IQSEC1: variants seen among roughly 807,000 people sequenced by gnomAD.
IQSEC1 encodes the protein IQ motif and SEC7 domain-containing protein 1.
IQSEC1 carries 31 observed loss-of-function variants against 91.0 expected under a neutral mutation model. The ratio of observed to expected loss-of-function variants is 0.34; its 90% CI spans 0.26 to 0.46. The LOEUF (loss-of-function observed/expected upper bound fraction) is 0.46. IQSEC1 is among the 20% of genes least tolerant of loss of function. IQSEC1 has a pLI of 1.00. For synonymous variants in IQSEC1, 699 were observed against 662.6 expected (o/e 1.05, Z -0.84); for missense variants, 1,388 against 1,575.6 (o/e 0.88, Z 2.02).
At chr3:13,265,380 A>T (rs76168636) in intron 1 of IQSEC1, among the ~76,000 whole-genome samples, 19,817 of 152,208 alleles carry the variant, frequency 0.13, 1,352 homozygotes, top group East Asian at 0.17. Context: ...CTTGGGCCCC[A>T]GGGGGACCCA....
intron 1 of IQSEC1, among the ~76,000 whole-genome samples, chr3:13,249,358 G>A (rs1263030517): frequency 2.6e-5 from 4 of 151,764 alleles, no homozygotes; most frequent in African/African-American, 9.7e-5. Flanking sequence ...ATTTTTAGTA[G>A]AGATGGGGTT....
At chr3:13,216,843 A>C (rs1306284036) in intron 1 of IQSEC1, among the ~76,000 whole-genome samples, 1 of 152,170 alleles carries the variant, frequency 6.6e-6, no homozygotes, top group African/African-American at 2.4e-5. Flanking sequence ...ATTTAACTTC[A>C]CTTACCCCTG....
chr3:12,908,322 C>G lies in IQSEC1; in HGVS notation c.2755+27G>C. 6.2e-7 allele frequency: 1 copy of G among 1,608,728 alleles called. No homozygotes were observed. Among genetic ancestry groups the G allele is most frequent in the Non-Finnish European group, 8.5e-7 (1 of 1,178,448 alleles). ...CTCGGTCTTGCATGCGCTGGGCTAGCAAGGTGGTTCTAGGCCAAGCTCTTA... is the reference window on the plus strand; with the variant it reads ...CTCGGTCTTGCATGCGCTGGGCTAGGAAGGTGGTTCTAGGCCAAGCTCTTA... On this transcript the variant is annotated intron_variant, in intron 12 of 13. Coordinates refer to ENST00000613206, the MANE Select transcript of IQSEC1 (RefSeq NM_001134382.3). This position sits in a 1 kb window ranked among gnomAD's most constrained non-coding sequence, Gnocchi z 4.9.
chr3:12,966,663 C>T (rs549580143), intron 1 of IQSEC1, among the ~76,000 whole-genome samples: 2 of 152,174 alleles, frequency 1.3e-5, no homozygotes, highest in Non-Finnish European at 2.9e-5. Flanking sequence ...CCTGACCACA[C>T]CAGGTGCACA....
intron 1 of IQSEC1, among the ~76,000 whole-genome samples, chr3:13,239,295 T>C (rs1694981567): frequency 1.3e-5 from 2 of 152,208 alleles, no homozygotes; most frequent in Admixed American, 1.3e-4. Context: ...CGGAATGAAC[T>C]GAGGGCTTTG....
Position 12,901,236 on chromosome 3 carries a change from T to C in IQSEC1, c.3092A>G (p.Tyr1031Cys). 6.5e-7 allele frequency: 1 copy of C among 1,548,634 alleles called. No homozygotes were observed. Among genetic ancestry groups the C allele is most frequent in the East Asian group, 2.4e-5 (1 of 40,852 alleles). ...QAAMHGHHTQYCHMQNPPPYH... is the reference protein window; with the variant it reads ...QAAMHGHHTQCCHMQNPPPYH... ...CGGGGGAGGGTTCTGCATGTGGCAG[T>C]ACTGGGTGTGATGCCCGTGCATGGC... Residue 1031 changes from tyrosine (Y) to cysteine (C), a missense_variant, in exon 14 of 14, where the codon TAC becomes TGC. This residue lies in a region of IQSEC1 where 329 missense variants were observed against 257.8 expected (regional missense o/e 1.28). Coordinates refer to ENST00000613206, the MANE Select transcript of IQSEC1 (RefSeq NM_001134382.3).
At chr3:12,975,037 C>T (rs998537865) in intron 1 of IQSEC1, among the ~76,000 whole-genome samples, 2 of 152,244 alleles carry the variant, frequency 1.3e-5, no homozygotes, top group Non-Finnish European at 2.9e-5. Flanking sequence ...TTCCCAGGGC[C>T]TCAGCATCTT....
At chr3:13,242,108 G>A (rs954519789) in intron 1 of IQSEC1, among the ~76,000 whole-genome samples, 2 of 152,202 alleles carry the variant, frequency 1.3e-5, no homozygotes, top group African/African-American at 2.4e-5. Context: ...GGTGACAGCA[G>A]AGACCGTGCC....
Position 13,071,554 on chromosome 3 carries a change from C to T in IQSEC1, c.23+1438G>A, listed in dbSNP as rs139521374. On this transcript the variant is annotated intron_variant, in intron 1 of 13. Coordinates refer to ENST00000613206, the MANE Select transcript of IQSEC1 (RefSeq NM_001134382.3). ...CCCAGCCACTGGGGTGGAAGTTCCA[C>T]GCTGGGAAAGGATTTACTATTTGTT... Among the ~76,000 whole-genome samples the T allele has an allele frequency of 1.5e-3, 236 of 152,292 alleles. 2 individuals are homozygous for T. The highest frequency in any genetic ancestry group is 5.3e-3 in the African/African-American group (220 of 41,542).
At chr3:13,182,511 A>G (rs551708415) in intron 1 of IQSEC1, among the ~76,000 whole-genome samples, 1 of 152,308 alleles carries the variant, frequency 6.6e-6, no homozygotes, top group South Asian at 2.1e-4. Context: ...ACGGGTGGCA[A>G]TGGATAGATG....
rs540165928 is a variant in IQSEC1, at chr3:12,994,360, G to A, written c.24-52495C>T. 4.6e-5 allele frequency among the ~76,000 whole-genome samples: 7 copies of A among 152,064 alleles called. 1 individual carries two copies. The South Asian group carries it at 8.3e-4, about 18-fold the overall frequency. On this transcript the variant is annotated intron_variant, in intron 1 of 13. Transcript: ENST00000613206. The surrounding 1 kb of genome is among the most constrained non-coding windows in gnomAD (Gnocchi z 4.5). ...GTGTGTGCGTGCGCGGCTGTGCTAG[G>A]GGGCGGGGAGGACGGTGCCGCCCCG...
chr3:13,281,998 C>T (rs1367613727), intron 1 of IQSEC1, among the ~76,000 whole-genome samples: 1 of 152,206 alleles, frequency 6.6e-6, no homozygotes, highest in African/African-American at 2.4e-5. Context: ...TCATGGGAGG[C>T]AAACGGGAAC....
At chr3:12,943,745 C>T (rs1018436250) in intron 1 of IQSEC1, among the ~76,000 whole-genome samples, 1 of 152,232 alleles carries the variant, frequency 6.6e-6, no homozygotes, top group African/African-American at 2.4e-5. Flanking sequence ...TGTGACGTCT[C>T]CGGCTCCCGT....
chr3:12,986,275 C>G (rs67193712), intron 1 of IQSEC1, among the ~76,000 whole-genome samples: 16,641 of 152,180 alleles, frequency 0.11, 963 homozygotes, highest in South Asian at 0.14. Context: ...CGACTTTTTC[C>G]CCAGAGGCCT....
chr3:13,051,057 C>T (rs1206410874), intron 1 of IQSEC1, among the ~76,000 whole-genome samples: 1 of 152,172 alleles, frequency 6.6e-6, no homozygotes. Flanking sequence ...GGTTTGCCAG[C>T]CCCAAGTCCA....
In IQSEC1 at chr3:12,935,699, G is replaced by A; in HGVS notation, c.1317C>T (p.Gly439=). ...CAGACTTGCTCTGCCGGTTGGCTGA[G>A]CCATTGATGGCCAAGTGGCTGTCCA... ...RPLDSHLAIN[G]SANRQSKSES... The change falls in exon 3 of 14, where the codon GGC becomes GGT. Residue 439 remains glycine (G), a synonymous_variant. Transcript: ENST00000613206. The surrounding 1 kb of genome is among the most constrained non-coding windows in gnomAD (Gnocchi z 8.0). 6.2e-7 allele frequency: 1 copy of A among 1,613,528 alleles called. No individual in the cohort carries two copies. Among genetic ancestry groups the A allele is most frequent in the Non-Finnish European group, 8.5e-7 (1 of 1,180,018 alleles).
chr3:13,242,010 C>T (rs779551506), intron 1 of IQSEC1, among the ~76,000 whole-genome samples: 8 of 152,314 alleles, frequency 5.3e-5, no homozygotes, highest in African/African-American at 1.4e-4. Flanking sequence ...TTTACCACAA[C>T]GTATATACAT....
chr3:12,942,020 C>T (rs1698801954), intron 1 of IQSEC1, among the ~76,000 whole-genome samples, 155 bp from the exon 2 acceptor site: 1 of 152,174 alleles, frequency 6.6e-6, no homozygotes. Context: ...GCTGGCAGGA[C>T]CCTGCAAAAC....
chr3:13,209,379 T>G (rs1694402971), intron 1 of IQSEC1, among the ~76,000 whole-genome samples: 1 of 152,226 alleles, frequency 6.6e-6, no homozygotes, highest in Non-Finnish European at 1.5e-5. Context: ...TTCCCTGTAA[T>G]GTATTCCTTT....
Sources: allele counts gnomAD v4.1 joint callset (sites outside exome capture counted in the v4.1 genomes callset), GRCh38; gene constraint gnomAD v4.1.1; regional missense constraint gnomAD v4.1.1; non-coding constraint Gnocchi (gnomAD v3.1); transcripts MANE v1.5; gene names NCBI Gene and HGNC (gene_info 2026-07-23, HGNC 2026-07-21).